The following DRC10 variants were observed in gnomAD, a reference collection of about 807,000 sequenced individuals.
DRC10 encodes dynein regulatory complex subunit 10.
the DRC10 span, among the ~76,000 whole-genome samples, chr12:113,218,440 C>T: frequency 4.8e-5 from 7 of 146,262 alleles, no homozygotes; most frequent in East Asian, 2.1e-4. Flanking sequence ...CCACCGTGCC[C>T]GGCTGCCTTT....
chr12:113,217,153 G>A, the DRC10 span, among the ~76,000 whole-genome samples: 1 of 152,096 alleles, frequency 6.6e-6, no homozygotes, highest in African/African-American at 2.4e-5. Flanking sequence ...AATGTATAAT[G>A]TTCCTTTTGT....
the DRC10 span, chr12:113,195,730 G>T: frequency 1.9e-6 from 3 of 1,613,842 alleles, no homozygotes; most frequent in South Asian, 3.3e-5. Context: ...CGTACCATGC[G>T]CACCATCTCC....
At chr12:113,218,336 G>T in the DRC10 span, among the ~76,000 whole-genome samples, 9 of 152,032 alleles carry the variant, frequency 5.9e-5, no homozygotes, top group Non-Finnish European at 1.2e-4. Flanking sequence ...TAGAGACGGG[G>T]TTTCTCCATG....
chr12:113,207,763 T>A, the DRC10 span: 1 of 1,614,156 alleles, frequency 6.2e-7, no homozygotes, highest in South Asian at 1.1e-5. Context: ...TTTCTGCAGC[T>A]CTATGGAAAG....
the DRC10 span, among the ~76,000 whole-genome samples, chr12:113,214,507 C>CAAA: frequency 8.8e-4 from 44 of 49,774 alleles, no homozygotes; most frequent in East Asian, 4.4e-3. Flanking sequence ...GACTCCGTCT[C>CAAA]AAAAAAAAAA....
At chr12:113,216,618 G>C in the DRC10 span, among the ~76,000 whole-genome samples, 2 of 152,136 alleles carry the variant, frequency 1.3e-5, no homozygotes, top group Non-Finnish European at 1.5e-5. Flanking sequence ...CGGTGGGGCA[G>C]GCTGTGCATG....
At chr12:113,216,295 C>T in the DRC10 span, among the ~76,000 whole-genome samples, 8 of 152,126 alleles carry the variant, frequency 5.3e-5, no homozygotes, top group Non-Finnish European at 8.8e-5. Flanking sequence ...CATATGGTAT[C>T]ACTCCAACTA....
At chr12:113,209,012 A>C in the DRC10 span, among the ~76,000 whole-genome samples, 2 of 152,118 alleles carry the variant, frequency 1.3e-5, no homozygotes, top group African/African-American at 4.8e-5. Context: ...GCTCACTGCA[A>C]CCTCTGCCTC....
the DRC10 span, among the ~76,000 whole-genome samples, chr12:113,197,209 TTTA>T: frequency 1.3e-5 from 2 of 150,498 alleles, no homozygotes; most frequent in African/African-American, 4.9e-5. Flanking sequence ...TTTTTTTTTT[TTTA>T]AATTAATAGA....
chr12:113,211,287 A>C, the DRC10 span, among the ~76,000 whole-genome samples: 1 of 152,122 alleles, frequency 6.6e-6, no homozygotes, highest in Non-Finnish European at 1.5e-5. Flanking sequence ...GGGTCTTGCT[A>C]TGTTGCCCAG....
the DRC10 span, among the ~76,000 whole-genome samples, chr12:113,197,299 C>T: frequency 2.0e-5 from 3 of 151,074 alleles, no homozygotes; most frequent in South Asian, 4.2e-4. Context: ...AGCCTCCCAA[C>T]GTGCTGGGAT....
the DRC10 span, among the ~76,000 whole-genome samples, chr12:113,216,206 G>T: frequency 0.013 from 2,007 of 152,280 alleles, 159 homozygotes; most frequent in Admixed American, 0.12. Context: ...AAAAAGAAAT[G>T]AGCTGTCAAG....
the DRC10 span, among the ~76,000 whole-genome samples, chr12:113,204,025 G>A: frequency 6.6e-6 from 1 of 152,078 alleles, no homozygotes; most frequent in Non-Finnish European, 1.5e-5. Context: ...GAGATTGCTT[G>A]AGCCCAGGAG....
the DRC10 span, among the ~76,000 whole-genome samples, chr12:113,204,380 C>G: frequency 6.6e-5 from 10 of 151,384 alleles, no homozygotes; most frequent in African/African-American, 2.4e-4. Flanking sequence ...ACTAGCCAGG[C>G]TTATTCTTGT....
At chr12:113,204,144 G>C in the DRC10 span, among the ~76,000 whole-genome samples, 1 of 152,200 alleles carries the variant, frequency 6.6e-6, no homozygotes, top group Non-Finnish European at 1.5e-5. Context: ...AAAAGGCTAA[G>C]GCAGGAGAAT....
At chr12:113,213,776 T>C in the DRC10 span, among the ~76,000 whole-genome samples, 23 of 152,066 alleles carry the variant, frequency 1.5e-4, 1 homozygote, top group African/African-American at 5.6e-4. Context: ...CTGGCCAACA[T>C]GGTGAAACCC....
chr12:113,197,666 CA>C, the DRC10 span: 1 of 1,102,660 alleles, frequency 9.1e-7, no homozygotes, highest in Non-Finnish European at 1.3e-6. Flanking sequence ...CAATCAACAG[CA>C]CTGAGCACTC....
chr12:113,221,044 C>T, the DRC10 span: 1 of 407,334 alleles, frequency 2.5e-6, no homozygotes, highest in Non-Finnish European at 5.0e-6. Flanking sequence ...CCGCCGCGGT[C>T]CCTGCGTTGC....
chr12:113,207,534 G>C, the DRC10 span: 13 of 1,613,922 alleles, frequency 8.1e-6, no homozygotes, highest in Non-Finnish European at 1.1e-5. Flanking sequence ...TATCCTGTAA[G>C]AACTGGGCCT....
Sources: allele counts gnomAD v4.1 joint callset (sites outside exome capture counted in the v4.1 genomes callset), GRCh38; gene constraint gnomAD v4.1.1; transcripts MANE v1.5; gene names NCBI Gene and HGNC (gene_info 2026-07-23, HGNC 2026-07-21).